KDM2B: variants seen among roughly 807,000 people sequenced by gnomAD.
KDM2B encodes the protein lysine-specific demethylase 2B.
In KDM2B, 26 loss-of-function variants were observed where a neutral mutation model predicts 150.0. That is an observed-to-expected ratio of 0.17 (90% CI 0.13 to 0.24). The LOEUF (loss-of-function observed/expected upper bound fraction) is 0.24, where lower values mean the gene tolerates loss of function less well. Among genes scored for constraint, KDM2B ranks in the 10% least tolerant of loss-of-function variants. KDM2B has a pLI of 1.00. For missense variants in KDM2B, 1,265 were observed against 1,816.9 expected, an observed-to-expected ratio of 0.70 and a Z score of 5.52; for synonymous variants, 734 against 729.5, an observed-to-expected ratio of 1.01 and a Z score of -0.10.
chr12:121,567,087 G>A (rs1177635116), intron 4 of KDM2B, among the ~76,000 whole-genome samples: 1 of 152,026 alleles, frequency 6.6e-6, no homozygotes, highest in Non-Finnish European at 1.5e-5. Context: ...GTTTTACCAT[G>A]TTGGCCAGGC....
chr12:121,431,432 C>G (rs549556114), intron 22 of KDM2B, among the ~76,000 whole-genome samples: 106 of 150,926 alleles, frequency 7.0e-4, no homozygotes, highest in African/African-American at 2.4e-3. Context: ...TACAGGCTTG[C>G]GCTACTGTGC....
chr12:121,548,137 C>T (rs559014667), intron 6 of KDM2B, among the ~76,000 whole-genome samples: 27 of 152,222 alleles, frequency 1.8e-4, no homozygotes, highest in Middle Eastern at 3.4e-3. Flanking sequence ...GTTGGCCAGG[C>T]GCCGTGACTC....
chr12:121,438,647 C>T (rs1043508188), intron 22 of KDM2B, among the ~76,000 whole-genome samples: 1 of 152,078 alleles, frequency 6.6e-6, no homozygotes, highest in Non-Finnish European at 1.5e-5. Flanking sequence ...TTCCTAGGTC[C>T]CGAATGATCT....
chr12:121,546,136 C>T (rs1051050700), intron 6 of KDM2B, among the ~76,000 whole-genome samples: 1 of 152,128 alleles, frequency 6.6e-6, no homozygotes, highest in Admixed American at 6.6e-5. Context: ...ACTGTGTATG[C>T]TCCAGGAGAG....
At chr12:121,580,379 C>G in intron 1 of KDM2B, 2 of 1,136,958 alleles carry the variant, frequency 1.8e-6, no homozygotes, top group Non-Finnish European at 2.2e-6. Context: ...GGGGCGGCGG[C>G]CCGAGGAGGT....
intron 17 of KDM2B, 53 bp downstream of exon 17, chr12:121,443,627 C>A: frequency 9.2e-7 from 1 of 1,085,498 alleles, no homozygotes; most frequent in Non-Finnish European, 1.4e-6. Flanking sequence ...TGGGGGACAG[C>A]CCAGGACTCG....
chr12:121,580,499 C>G, intron 1 of KDM2B: 1 of 1,165,786 alleles, frequency 8.6e-7, no homozygotes, highest in Non-Finnish European at 1.1e-6. Context: ...CGCCGCCGCC[C>G]GGGAGTTGTG....
chr12:121,450,816 G>A (rs552368215), intron 13 of KDM2B, among the ~76,000 whole-genome samples: 8 of 151,776 alleles, frequency 5.3e-5, no homozygotes, highest in Admixed American at 2.6e-4. Flanking sequence ...AGCCGAGATC[G>A]TGCCACTGCA....
At chr12:121,443,840 C>G (rs1555289307) in intron 16 of KDM2B, 47 bp from the exon 17 acceptor site, 1 of 1,418,942 alleles carries the variant, frequency 7.0e-7, no homozygotes, top group Admixed American at 1.9e-5. Context: ...TGGTTTTCCC[C>G]TCCTTTCTTT....
intron 17 of KDM2B, 197 bp downstream of exon 17, chr12:121,443,483 T>TC: frequency 1.7e-6 from 1 of 601,494 alleles, no homozygotes; most frequent in Non-Finnish European, 3.0e-6. Context: ...ACAGCTTCCA[T>TC]CCCAACCAAC....
In KDM2B at chr12:121,538,006, C is replaced by T. The variant is rs557868916; in HGVS notation, c.684-3416G>A. ...GCTCGACGCGCGCCCGGCCCCACTC[C>T]CGGCGGCAACGCGAGCCGAGCCCCC... On this transcript the variant is annotated intron_variant, in intron 6 of 22. Transcript: ENST00000377071. 6.3e-3 allele frequency among the ~76,000 whole-genome samples: 948 copies of T among 150,626 alleles called. 17 individuals carry two copies. The highest frequency in any genetic ancestry group is 0.043 in the South Asian group (206 of 4,822).
intron 8 of KDM2B, among the ~76,000 whole-genome samples, chr12:121,526,178 C>A (rs1555306763): frequency 6.6e-6 from 1 of 152,056 alleles, no homozygotes; most frequent in Non-Finnish European, 1.5e-5. Context: ...ATGATGAAAC[C>A]CCGTCTCTAC....
In KDM2B at chr12:121,578,365, T is replaced by C. The variant is rs571908739; in HGVS notation, c.271+437A>G. On this transcript the variant is annotated intron_variant, in intron 2 of 22. Coordinates refer to ENST00000377071, the MANE Select transcript of KDM2B (RefSeq NM_032590.5). ...GGCAGGCCCCAAGCGGGAACGGGAT[T>C]GGGAAGGCTTCGGGCCTGGGGGGCC... Among the ~76,000 whole-genome samples the C allele has an allele frequency of 2.6e-5, 4 of 152,248 alleles. No individual in the cohort carries two copies. In the South Asian group the frequency reaches 8.3e-4, roughly 32 times the overall value.
the KDM2B span, chr12:121,420,223 A>T: frequency 1.2e-6 from 2 of 1,608,338 alleles, no homozygotes; most frequent in Admixed American, 1.7e-5. Flanking sequence ...ACCTAATCAG[A>T]TACGTTGTAT....
intron 6 of KDM2B, among the ~76,000 whole-genome samples, chr12:121,543,723 C>G (rs1315255888): frequency 2.6e-5 from 4 of 152,052 alleles, no homozygotes; most frequent in Admixed American, 1.3e-4. Context: ...ACTCAGGAGG[C>G]TGAGGGAATC....
At chr12:121,501,950 G>T (rs1320994901) in intron 11 of KDM2B, among the ~76,000 whole-genome samples, 5 of 152,066 alleles carry the variant, frequency 3.3e-5, no homozygotes, top group Admixed American at 2.6e-4. Flanking sequence ...AAAGCCAACT[G>T]CGCTGGTGAT....
chr12:121,499,494 T>A (rs1252331482), intron 11 of KDM2B, among the ~76,000 whole-genome samples: 4 of 151,628 alleles, frequency 2.6e-5, no homozygotes, highest in Non-Finnish European at 4.4e-5. Flanking sequence ...ACAAAAAAAA[T>A]TTAAAAATTA....
rs767939481 is a variant in KDM2B, at chr12:121,520,469, A to C, written c.1047+516T>G. Among the ~76,000 whole-genome samples the C allele has an allele frequency of 4.6e-5, 7 of 152,122 alleles. No individual in the cohort carries two copies. Among genetic ancestry groups the C allele is most frequent in the Admixed American group, 2.0e-4 (3 of 15,268 alleles). On this transcript the variant is annotated intron_variant, in intron 9 of 22. Transcript: ENST00000377071. This position sits in a 1 kb window ranked among gnomAD's most constrained non-coding sequence, Gnocchi z 4.5. Reference sequence around the variant, plus strand: ...AGGAAACTAGAGACGTCCTCAGCAGACATGGAGACTACCTCAGAGACAGTA... The same window carrying C: ...AGGAAACTAGAGACGTCCTCAGCAGCCATGGAGACTACCTCAGAGACAGTA...
At chr12:121,447,242 C>A (rs1417521291) in intron 13 of KDM2B, among the ~76,000 whole-genome samples, 1 of 150,606 alleles carries the variant, frequency 6.6e-6, no homozygotes, top group Non-Finnish European at 1.5e-5. Context: ...AATTCCAGGT[C>A]TTCTCTTTTT....
Sources: gnomAD v4.1 joint callset for allele counts (sites outside exome capture counted in the v4.1 genomes callset) on GRCh38, gnomAD v4.1.1 for gene constraint, Gnocchi (gnomAD v3.1) non-coding constraint, MANE v1.5 for transcripts, NCBI Gene and HGNC (gene_info 2026-07-23, HGNC 2026-07-21) for gene names.